KATNB1: variants seen among roughly 807,000 people sequenced by gnomAD.
KATNB1 encodes katanin regulatory subunit B1.
A neutral mutation model predicts 82.3 loss-of-function variants in KATNB1; 38 were observed. That is an observed-to-expected ratio of 0.46 (90% CI 0.36 to 0.61). The LOEUF is 0.61. KATNB1 is among the 20% of genes least tolerant of loss of function. KATNB1 has a pLI of 0.00. For synonymous variants in KATNB1, 361 were observed against 368.7 expected (o/e 0.98, Z 0.24); for missense variants, 749 against 915.7 (o/e 0.82, Z 2.35).
chr16:57,754,819 C>G, intron 13 of KATNB1, 111 bp from the exon 14 acceptor site: 1 of 1,130,774 alleles, frequency 8.8e-7, no homozygotes, highest in South Asian at 1.3e-5. Context: ...CTCCCCCATG[C>G]TCCTGCTCCA....
At chr16:57,745,563 C>CAA (rs11449099) in intron 4 of KATNB1, among the ~76,000 whole-genome samples, 7,150 of 135,168 alleles carry the variant, frequency 0.053, 406 homozygotes, top group East Asian at 0.16. Flanking sequence ...AACTCCATCT[C>CAA]AAAAAAAAAA....
intron 2 of KATNB1, among the ~76,000 whole-genome samples, 185 bp from the exon 3 acceptor site, chr16:57,741,502 A>G (rs981745626): frequency 2.6e-5 from 4 of 152,240 alleles, no homozygotes; most frequent in Non-Finnish European, 4.4e-5. Flanking sequence ...TTTCCGTCTC[A>G]GGCCCATGCC....
At chr16:57,740,038 A>G (rs1205951817) in intron 2 of KATNB1, among the ~76,000 whole-genome samples, 3 of 152,174 alleles carry the variant, frequency 2.0e-5, no homozygotes, top group Non-Finnish European at 4.4e-5. Flanking sequence ...ACGGAATGCC[A>G]GGGAGAAGGT....
Position 57,737,016 on chromosome 16 carries a change from A to G in KATNB1, c.-228A>G, listed in dbSNP as rs1233131303. The G allele has an allele frequency of 7.1e-6, 5 of 700,034 alleles. No individual in the cohort carries two copies. Among genetic ancestry groups the G allele is most frequent in the Non-Finnish European group, 1.3e-5 (5 of 384,102 alleles). The allele number at this position is 700,034 out of a possible 1,614,324, so 43.4% of individuals were successfully genotyped here. A position where few individuals can be genotyped will look rare whatever the true frequency, so the allele number is the denominator to read the frequency against. ...TGAGATGGCTCGAGCCTAACATTCCATGATCCAGGATCGTGACAGATGTGC... is the reference window on the plus strand; with the variant it reads ...TGAGATGGCTCGAGCCTAACATTCCGTGATCCAGGATCGTGACAGATGTGC... On this transcript the variant is annotated 5_prime_UTR_variant, in exon 2 of 20. An upstream start codon of the reference 5' UTR is lost. Coordinates refer to ENST00000379661, the MANE Select transcript of KATNB1 (RefSeq NM_005886.3).
Position 57,751,138 on chromosome 16 carries a change from T to C in KATNB1, c.391-123T>C. On this transcript the variant is annotated intron_variant, in intron 5 of 19. Coordinates refer to ENST00000379661, the MANE Select transcript of KATNB1 (RefSeq NM_005886.3). The surrounding 1 kb of genome is among the most constrained non-coding windows in gnomAD (Gnocchi z 6.3). Reference sequence around the variant, plus strand: ...TTAGTGAGCAGTTTCTGTCCTTGTCTCCGTGGGGAGTAACGACCTAGAGAA... The same window carrying C: ...TTAGTGAGCAGTTTCTGTCCTTGTCCCCGTGGGGAGTAACGACCTAGAGAA... 8.2e-6 allele frequency: 8 copies of C among 975,276 alleles called. No homozygotes were observed. The highest frequency in any genetic ancestry group is 3.7e-5 in the Admixed American group (2 of 54,014). 60.4% of individuals were successfully genotyped at this position (975,276 alleles called of 1,614,324 possible).
chr16:57,753,181 G>A lies in KATNB1; in HGVS notation c.960G>A (p.Arg320=), dbSNP rs540132252. 1.2e-6 allele frequency: 2 copies of A among 1,609,536 alleles called. No homozygotes were observed. Among genetic ancestry groups the A allele is most frequent in the Admixed American group, 1.7e-5 (1 of 59,976 alleles). Residue 320 remains arginine, a synonymous_variant, in exon 11 of 20, where the codon CGG becomes CGA. Transcript: ENST00000379661. ...CCCGGGACCCTGTGCAGGACCACCG[G>A]CCCCTGGCACAGCCACTGCCCAACC... ...TVARDPVQDH[R]PLAQPLPNPS... is the part of the protein sequence containing the mutation.
intron 19 of KATNB1, 166 bp from the exon 20 acceptor site, chr16:57,756,647 TG>T (rs2148797821): frequency 7.9e-7 from 1 of 1,273,038 alleles, no homozygotes; most frequent in Non-Finnish European, 1.1e-6. Context: ...GGTTCCTCCA[TG>T]GCCTGGCTGT....
At position 57,751,163 on chromosome 16, in the gene KATNB1, A is replaced by C. The variant is rs1040443827; in HGVS notation, c.391-98A>C. On this transcript the variant is annotated intron_variant, in intron 5 of 19. Transcript: ENST00000379661. This position sits in a 1 kb window ranked among gnomAD's most constrained non-coding sequence, Gnocchi z 6.3. ...TCCGTGGGGAGTAACGACCTAGAGA[A>C]GGCTGGGCCCCACCGTCTGCTCACG... is the stretch of plus-strand genomic sequence containing the variant. The C allele has an allele frequency of 8.5e-6, 10 of 1,174,488 alleles. No individual in the cohort carries two copies. Among genetic ancestry groups the C allele is most frequent in the African/African-American group, 1.5e-5 (1 of 66,334 alleles). The allele number at this position is 1,174,488 out of a possible 1,614,324, so 72.8% of individuals were successfully genotyped here.
intron 5 of KATNB1, 59 bp downstream of exon 5, chr16:57,750,986 C>A: frequency 7.1e-7 from 1 of 1,411,420 alleles, no homozygotes; most frequent in Non-Finnish European, 1.0e-6. Context: ...ACCAGCCCGG[C>A]CCGGCCCTCA....
At chr16:57,752,631 C>T (rs1555583792) in intron 9 of KATNB1, 30 bp downstream of exon 9, 6 of 1,550,924 alleles carry the variant, frequency 3.9e-6, no homozygotes, top group South Asian at 1.2e-5. Context: ...GGCGGCCCAG[C>T]GCTCCTCCCG....
intron 4 of KATNB1, among the ~76,000 whole-genome samples, chr16:57,744,717 G>GT (rs1555580878): frequency 7.5e-6 from 1 of 133,036 alleles, no homozygotes; most frequent in Non-Finnish European, 1.7e-5. Flanking sequence ...GGGGATGTGC[G>GT]GGTGTGTGTG....
In KATNB1 at chr16:57,737,001, C is replaced by T; in HGVS notation, c.-243C>T. The T allele has an allele frequency of 2.9e-6, 2 of 696,916 alleles. No individual in the cohort carries two copies. Among genetic ancestry groups the T allele is most frequent in the South Asian group, 3.0e-5 (2 of 66,716 alleles). 43.2% of individuals were successfully genotyped at this position (696,916 alleles called of 1,614,324 possible). Reference sequence around the variant, plus strand: ...AGCCCTGTATTGAGCTGAGATGGCTCGAGCCTAACATTCCATGATCCAGGA... The same window carrying T: ...AGCCCTGTATTGAGCTGAGATGGCTTGAGCCTAACATTCCATGATCCAGGA... On this transcript the variant is annotated 5_prime_UTR_variant, in exon 2 of 20. It introduces an in-frame stop codon into an upstream open reading frame of the 5' UTR. Transcript: ENST00000379661.
In KATNB1 at chr16:57,744,420, G is replaced by A. The variant is rs2049167313; in HGVS notation, c.198G>A (p.Val66=). Reference sequence around the variant, plus strand: ...GCCTGACGGGCCACACATCCCCAGTGGAGAGCGTCCGCCTCAACACCCCCG... The same window carrying A: ...GCCTGACGGGCCACACATCCCCAGTAGAGAGCGTCCGCCTCAACACCCCCG... ...IMSLTGHTSP[V]ESVRLNTPEE... is the part of the protein sequence containing the mutation. Residue 66 remains valine, a synonymous_variant, in exon 4 of 20, where the codon GTG becomes GTA. Coordinates refer to ENST00000379661, the MANE Select transcript of KATNB1 (RefSeq NM_005886.3). The A allele has an allele frequency of 6.2e-7, 1 of 1,613,650 alleles. No individual in the cohort carries two copies. Among genetic ancestry groups the A allele is most frequent in the South Asian group, 1.1e-5 (1 of 91,092 alleles).
intron 2 of KATNB1, among the ~76,000 whole-genome samples, chr16:57,738,398 G>C (rs2049118199): frequency 2.0e-5 from 3 of 152,104 alleles, no homozygotes; most frequent in African/African-American, 7.2e-5. Flanking sequence ...TGGGATCACA[G>C]GCACCCGCCA....
chr16:57,746,442 G>A (rs1308014970), intron 4 of KATNB1, among the ~76,000 whole-genome samples: 1 of 152,148 alleles, frequency 6.6e-6, no homozygotes, highest in Non-Finnish European at 1.5e-5. Flanking sequence ...GCCTTGGGGT[G>A]GGTCTGCTTC....
chr16:57,746,244 T>C (rs2967154), intron 4 of KATNB1, among the ~76,000 whole-genome samples: 146,570 of 152,304 alleles, frequency 0.96, 70,803 homozygotes, highest in African/African-American at 0.99. Context: ...AGGTGCAGCT[T>C]TTCTGCCTTT....
chr16:57,741,236 G>A (rs570767998), intron 2 of KATNB1, among the ~76,000 whole-genome samples: 1 of 152,344 alleles, frequency 6.6e-6, no homozygotes, highest in Admixed American at 6.5e-5. Context: ...GCTGAGAGGT[G>A]TGTAGGCAGT....
In KATNB1 at chr16:57,752,612, TGTGGG is replaced by T; in HGVS notation, c.704+17_704+21del. ...GCCTGGGCCCGTCAGGTACGCAGGC[TGTGGG>T]GTGGGCGGCCCAGCGCTCCTCCCGG... is the stretch of plus-strand genomic sequence containing the variant. On this transcript the variant is annotated intron_variant, in intron 9 of 19. Transcript: ENST00000379661. The T allele has an allele frequency of 1.0e-5, 16 of 1,559,868 alleles. No homozygotes were observed. The highest frequency in any genetic ancestry group is 1.1e-5 in the Non-Finnish European group (13 of 1,151,996).
At chr16:57,754,407 C>T (rs1293835867) in intron 13 of KATNB1, among the ~76,000 whole-genome samples, 1 of 152,156 alleles carries the variant, frequency 6.6e-6, no homozygotes. Flanking sequence ...GTGCTTCTGG[C>T]AGGAAGGGAG....
Sources: allele counts gnomAD v4.1 joint callset (sites outside exome capture counted in the v4.1 genomes callset), GRCh38; gene constraint gnomAD v4.1.1; non-coding constraint Gnocchi (gnomAD v3.1); transcripts MANE v1.5; gene names NCBI Gene and HGNC (gene_info 2026-07-23, HGNC 2026-07-21).